Variants in PKHD1 observed in about 807,000 individuals in gnomAD.
PKHD1 encodes the protein fibrocystin.
Under a neutral mutation model 412.0 loss-of-function variants are expected in PKHD1, and 291 were observed. The ratio of observed to expected loss-of-function variants is 0.71; its 90% confidence interval spans 0.64 to 0.78. The LOEUF is 0.78. Among genes scored for constraint, PKHD1 ranks in the 30% least tolerant of loss-of-function variants. The pLI is 0.00. For synonymous variants in PKHD1, 1,777 were observed against 1,821.5 expected, an observed-to-expected ratio of 0.98 and a Z score of 0.62; for missense variants, 4,825 against 4,950.7, an observed-to-expected ratio of 0.97 and a Z score of 0.76.
At chr6:51,883,347 T>C in intron 45 of PKHD1, 120 bp from the exon 46 acceptor site, 1 of 913,966 alleles carries the variant, frequency 1.1e-6, no homozygotes, top group Non-Finnish European at 1.7e-6. Context: ...TTAAAGCACC[T>C]TTTGTCCATC....
chr6:52,042,684 G>A (rs1181198187), intron 27 of PKHD1, among the ~76,000 whole-genome samples, 175 bp downstream of exon 27: 1 of 152,190 alleles, frequency 6.6e-6, no homozygotes, highest in Non-Finnish European at 1.5e-5. Context: ...TATGTGGCAA[G>A]TGAGTTCATT....
intron 60 of PKHD1, chr6:51,721,109 G>A: frequency 1.0e-6 from 1 of 982,604 alleles, no homozygotes; most frequent in Non-Finnish European, 1.2e-6. Context: ...CTCCATCAGT[G>A]CACAAGAATG....
Position 51,630,281 on chromosome 6 carries a change from ATCT to A in PKHD1, c.11665+2281_11665+2283del, listed in dbSNP as rs1767768137. On this transcript the variant is annotated intron_variant, in intron 65 of 66. Transcript: ENST00000371117. Reference sequence around the variant, plus strand: ...AATGCTCATCCCTTTTCTACAATGTATCTGACTGAGGCTGGTTTTCTTCATATA... The same window carrying A: ...AATGCTCATCCCTTTTCTACAATGTAGACTGAGGCTGGTTTTCTTCATATA... 2.6e-5 allele frequency among the ~76,000 whole-genome samples: 4 copies of A among 152,214 alleles called. No homozygotes were observed. In the East Asian group the frequency reaches 7.7e-4, roughly 29 times the overall value.
intron 43 of PKHD1, among the ~76,000 whole-genome samples, chr6:51,899,729 C>T (rs1436017029): frequency 6.6e-6 from 1 of 152,172 alleles, no homozygotes; most frequent in African/African-American, 2.4e-5. Context: ...GTCAAATTGT[C>T]CCTGTTTACA....
At chr6:51,930,550 C>G (rs1285352659) in intron 37 of PKHD1, among the ~76,000 whole-genome samples, 1 of 152,106 alleles carries the variant, frequency 6.6e-6, no homozygotes. Context: ...TCAGCTGGAG[C>G]AGAAGGGTTT....
In PKHD1 at chr6:51,912,400, GCA is replaced by G. The variant is rs910497248; in HGVS notation, c.6296_6297del (p.Val2099AlafsTer8). 3 of 1,612,272 alleles carry G rather than the reference GCA, an allele frequency of 1.9e-6. No homozygotes were observed. Among genetic ancestry groups the G allele is most frequent in the South Asian group, 2.2e-5 (2 of 91,048 alleles). Reference sequence around the variant, plus strand: ...GACTTAAGATAGAGGTCTGTATCCTGCACAGTTTCCACAGTGACAATCTCTTC... The same window carrying G: ...GACTTAAGATAGAGGTCTGTATCCTGCAGTTTCCACAGTGACAATCTCTTC... ...PMEEIVTVET[V>X]QDTDLYLKSP... On this transcript the variant is annotated frameshift_variant, in exon 38 of 67. Transcript: ENST00000371117. LOFTEE classifies it high-confidence loss of function.
intron 60 of PKHD1, among the ~76,000 whole-genome samples, chr6:51,699,147 A>T (rs901023351): frequency 6.6e-6 from 1 of 152,168 alleles, no homozygotes; most frequent in Non-Finnish European, 1.5e-5. Context: ...AAGTTCAACA[A>T]ATGTATACAG....
At position 51,884,509 on chromosome 6, in the gene PKHD1, G is replaced by A. The variant is rs773853636; in HGVS notation, c.7216-1282C>T. On this transcript the variant is annotated intron_variant, in intron 45 of 66. Transcript: ENST00000371117. ...TTGGTATAGTTCGAGGGAAGTTTACGTTTTAAATTTGCTGCTATTATGTTA... is the reference window on the plus strand; with the variant it reads ...TTGGTATAGTTCGAGGGAAGTTTACATTTTAAATTTGCTGCTATTATGTTA... 1.1e-4 allele frequency among the ~76,000 whole-genome samples: 17 copies of A among 152,186 alleles called. No homozygotes were observed. The East Asian group carries it at 1.2e-3, about 10-fold the overall frequency.
intron 66 of PKHD1, chr6:51,622,786 C>T (rs1266843592): frequency 6.6e-6 from 1 of 152,112 alleles, no homozygotes; most frequent in Non-Finnish European, 1.5e-5. Context: ...ATTAATCCAT[C>T]TGGAATTTCC....
intron 36 of PKHD1, among the ~76,000 whole-genome samples, chr6:51,938,495 C>T (rs1787874411): frequency 1.8e-5 from 1 of 55,842 alleles, no homozygotes; most frequent in South Asian, 4.7e-4. Context: ...CACGCTGTGA[C>T]CCCCCACTCC....
chr6:51,717,964 C>G (rs1781474755), intron 60 of PKHD1, among the ~76,000 whole-genome samples: 1 of 152,214 alleles, frequency 6.6e-6, no homozygotes, highest in Non-Finnish European at 1.5e-5. Flanking sequence ...ACTTGAGTCT[C>G]ATTTCCAAAA....
chr6:51,619,416 C>T lies in PKHD1; in HGVS notation c.11890G>A (p.Glu3964Lys). Residue 3964 changes from glutamate to lysine, a missense_variant, in exon 67 of 67, where the codon GAG (glutamate) becomes AAG (lysine). By Grantham distance (56) the Glu-to-Lys change is moderately conservative. Coordinates refer to ENST00000371117, the MANE Select transcript of PKHD1 (RefSeq NM_138694.4). ...KVSRHIVREE[E>K]AAVPAPGTTG... ...GTACCAGGAGCAGGCACAGCAGCCT[C>T]TTCCTCTCGGACAATGTGGCGGCTA... 2 of 1,613,764 alleles carry T rather than the reference C, an allele frequency of 1.2e-6. No homozygotes were observed. The highest frequency in any genetic ancestry group is 1.7e-6 in the Non-Finnish European group (2 of 1,179,656).
In PKHD1 at chr6:52,045,148, T is replaced by A. The variant is rs185712307; in HGVS notation, c.2593-60A>T. On this transcript the variant is annotated intron_variant, in intron 24 of 66. Coordinates refer to ENST00000371117, the MANE Select transcript of PKHD1 (RefSeq NM_138694.4). Reference sequence around the variant, plus strand: ...GGAACCGAAATCTAATCTCGTCTAATCAAATAATAAAGAGTTTTTTCACAT... The same window carrying A: ...GGAACCGAAATCTAATCTCGTCTAAACAAATAATAAAGAGTTTTTTCACAT... 2.4e-4 allele frequency: 376 copies of A among 1,549,154 alleles called. 2 individuals carry two copies. In the African/African-American group the frequency reaches 4.7e-3, roughly 19 times the overall value.
chr6:51,851,016 G>A lies in PKHD1; in HGVS notation c.7912-3046C>T, dbSNP rs533466019. Reference sequence around the variant, plus strand: ...CTTCTAGCTTTGGCCCATTCAATATGACATTTGTTGTGGGTTGGTCATAAA... The same window carrying A: ...CTTCTAGCTTTGGCCCATTCAATATAACATTTGTTGTGGGTTGGTCATAAA... On this transcript the variant is annotated intron_variant, in intron 49 of 66. Coordinates refer to ENST00000371117, the MANE Select transcript of PKHD1 (RefSeq NM_138694.4). 5.1e-4 allele frequency among the ~76,000 whole-genome samples: 77 copies of A among 152,272 alleles called. 6 individuals are homozygous for A. In the South Asian group the frequency reaches 0.015, roughly 29 times the overall value.
chr6:51,874,113 C>G lies in PKHD1; in HGVS notation c.7351-3474G>C, dbSNP rs111710447. On this transcript the variant is annotated intron_variant, in intron 46 of 66. Coordinates refer to ENST00000371117, the MANE Select transcript of PKHD1 (RefSeq NM_138694.4). The stretch of plus-strand genomic sequence containing the variant: ...TCCACAAGTGAAAATGGGAAATCAC[C>G]CCTAGAGAAATAGGAGGAAGAATGA... Among the ~76,000 whole-genome samples the G allele has an allele frequency of 6.8e-3, 1,036 of 152,108 alleles. 16 individuals carry two copies. The highest frequency in any genetic ancestry group is 0.024 in the African/African-American group (991 of 41,490).
chr6:52,023,274 T>C (rs1223077188), intron 32 of PKHD1, among the ~76,000 whole-genome samples: 1 of 152,182 alleles, frequency 6.6e-6, no homozygotes, highest in African/African-American at 2.4e-5. Flanking sequence ...CCCCCAACCA[T>C]CTGACTCCCT....
intron 54 of PKHD1, 49 bp from the exon 55 acceptor site, chr6:51,772,838 T>A (rs969666807): frequency 1.2e-5 from 12 of 1,042,282 alleles, no homozygotes; most frequent in Non-Finnish European, 1.8e-5. Flanking sequence ...TTCAGAGGAA[T>A]GAAAGCCAGG....
chr6:51,645,478 T>C (rs1366495356), intron 63 of PKHD1, among the ~76,000 whole-genome samples: 2 of 152,170 alleles, frequency 1.3e-5, no homozygotes, highest in Admixed American at 6.5e-5. Context: ...CCGCAACCTC[T>C]GCCTCCTGGG....
Position 51,748,539 on chromosome 6 carries a change from C to A in PKHD1, c.9077G>T (p.Gly3026Val), listed in dbSNP as rs1785558669. The change falls in exon 58 of 67, where the codon GGG (glycine) becomes GTG (valine). Residue 3026 changes from glycine (G) to valine (V), a missense_variant. By Grantham distance (109) the Gly-to-Val change is moderately radical (BLOSUM62 -3). Coordinates refer to ENST00000371117, the MANE Select transcript of PKHD1 (RefSeq NM_138694.4). ...ISSTLHQSCG[G>V]GIHAAASHGV... ...ATGACTGGCAGCTGCATGAATGCCC[C>A]CGCCACAGCTCTGGTGCAGAGTAGA... is the stretch of plus-strand genomic sequence containing the variant. The A allele has an allele frequency of 1.2e-6, 2 of 1,613,784 alleles. No homozygotes were observed. The highest frequency in any genetic ancestry group is 1.7e-6 in the Non-Finnish European group (2 of 1,179,824).
Sources: allele counts gnomAD v4.1 joint callset (sites outside exome capture counted in the v4.1 genomes callset), GRCh38; gene constraint gnomAD v4.1.1; transcripts MANE v1.5; gene names NCBI Gene and HGNC (gene_info 2026-07-23, HGNC 2026-07-21).